CREBBP: variants seen among roughly 807,000 people sequenced by gnomAD.
The protein encoded by CREBBP is CREB binding lysine acetyltransferase.
CREBBP carries 19 observed loss-of-function variants against 265.0 expected under a neutral mutation model. The observed-to-expected ratio is 0.07, with a 90% confidence interval of 0.05 to 0.11. CREBBP has a LOEUF of 0.11. Among genes scored for constraint, CREBBP ranks in the 10% least tolerant of loss-of-function variants. The pLI, the probability that CREBBP is intolerant of heterozygous loss-of-function variation, is 1.00. For missense variants in CREBBP, 2,525 were observed against 3,219.0 expected (o/e 0.78, Z 5.22); for synonymous variants, 1,457 against 1,223.7 (o/e 1.19, Z -3.98).
At chr16:3,740,357 G>A in intron 24 of CREBBP, 42 bp downstream of exon 24, 1 of 1,611,250 alleles carries the variant, frequency 6.2e-7, no homozygotes, top group Non-Finnish European at 8.5e-7. Context: ...AAGCGGGCGT[G>A]GGGACTGCTC....
chr16:3,837,679 G>C (rs1254047457), intron 2 of CREBBP, among the ~76,000 whole-genome samples: 1 of 151,008 alleles, frequency 6.6e-6, no homozygotes, highest in Non-Finnish European at 1.5e-5. Flanking sequence ...AAAGCTTATA[G>C]AATAAGTACA....
At chr16:3,787,598 C>T (rs924336336) in intron 5 of CREBBP, among the ~76,000 whole-genome samples, 1 of 151,756 alleles carries the variant, frequency 6.6e-6, no homozygotes, top group African/African-American at 2.4e-5. Context: ...GTTCAAAGGA[C>T]GGAGATCTTG....
rs554133039 is a variant in CREBBP, at chr16:3,782,581, T to C, written c.1573+103A>G. ...AGATTTTTTATTTCAACCACCGTAG[T>C]AAAAAACACAAAACAAACTGAAAAC... On this transcript the variant is annotated intron_variant, in intron 6 of 30. Transcript: ENST00000262367. The C allele has an allele frequency of 2.0e-6, 3 of 1,475,000 alleles. No individual in the cohort carries two copies. The African/African-American group carries it at 4.2e-5, about 21-fold the overall frequency. The allele number at this position is 1,475,000 out of a possible 1,614,324, so 91.4% of individuals were successfully genotyped here. A position where few individuals can be genotyped will look rare whatever the true frequency, so the allele number is the denominator to read the frequency against.
intron 1 of CREBBP, among the ~76,000 whole-genome samples, chr16:3,851,242 C>T (rs2054828117): frequency 7.4e-6 from 1 of 134,276 alleles, no homozygotes; most frequent in Non-Finnish European, 1.5e-5. Context: ...GAGCCAAGAT[C>T]ACGCCATTGC....
intron 16 of CREBBP, among the ~76,000 whole-genome samples, chr16:3,765,653 A>G (rs2052833083): frequency 6.6e-6 from 1 of 152,120 alleles, no homozygotes; most frequent in Admixed American, 6.6e-5. Flanking sequence ...ATTTATTATT[A>G]GTATTATTTT....
intron 3 of CREBBP, among the ~76,000 whole-genome samples, chr16:3,808,612 G>A (rs2053877774): frequency 6.6e-6 from 1 of 152,242 alleles, no homozygotes; most frequent in African/African-American, 2.4e-5. Flanking sequence ...CTCTGGAGCA[G>A]CAGTGGAGGC....
chr16:3,773,092 GACAA>G (rs775330934), intron 13 of CREBBP, among the ~76,000 whole-genome samples: 24 of 151,482 alleles, frequency 1.6e-4, no homozygotes, highest in African/African-American at 2.9e-4. Context: ...TCTTAAAACA[GACAA>G]ACAAACAAAA....
intron 5 of CREBBP, among the ~76,000 whole-genome samples, chr16:3,783,607 C>T (rs2053322942): frequency 6.6e-6 from 1 of 152,216 alleles, no homozygotes; most frequent in African/African-American, 2.4e-5. Flanking sequence ...GATTGACTGA[C>T]TGAGCTGTTT....
intron 16 of CREBBP, among the ~76,000 whole-genome samples, chr16:3,762,240 T>A (rs911473949): frequency 6.6e-6 from 1 of 152,188 alleles, no homozygotes; most frequent in East Asian, 1.9e-4. Context: ...CTGCAGACCC[T>A]GTCACCGCCC....
At chr16:3,867,540 G>C (rs987757389) in intron 1 of CREBBP, among the ~76,000 whole-genome samples, 1 of 152,006 alleles carries the variant, frequency 6.6e-6, no homozygotes, top group African/African-American at 2.4e-5. Context: ...ATAACATAGA[G>C]AAAACATTAA....
chr16:3,746,419 GCT>G (rs1486406372), intron 21 of CREBBP, among the ~76,000 whole-genome samples: 4 of 152,032 alleles, frequency 2.6e-5, no homozygotes, highest in Non-Finnish European at 5.9e-5. Context: ...TGACAGCCCG[GCT>G]CTGTCTGGCT....
At position 3,731,640 on chromosome 16, in the gene CREBBP, C is replaced by A; in HGVS notation, c.4890+136G>T. The A allele has an allele frequency of 7.0e-7, 1 of 1,424,168 alleles. No homozygotes were observed. Among genetic ancestry groups the A allele is most frequent in the Non-Finnish European group, 9.9e-7 (1 of 1,015,118 alleles). The allele number at this position is 1,424,168 out of a possible 1,614,324, so 88.2% of individuals were successfully genotyped here. ...TTGGTGACACGTTGCATGATGTCAC[C>A]CAACTGGTCCACTTGGTTTCCTGGG... is the stretch of plus-strand genomic sequence containing the variant. On this transcript the variant is annotated intron_variant, in intron 29 of 30. Transcript: ENST00000262367. This position sits in a 1 kb window ranked among gnomAD's most constrained non-coding sequence, Gnocchi z 7.7.
intron 3 of CREBBP, among the ~76,000 whole-genome samples, chr16:3,803,162 T>G (rs1200145744): frequency 2.0e-5 from 3 of 151,310 alleles, no homozygotes; most frequent in Non-Finnish European, 4.4e-5. Context: ...TTATTGATTT[T>G]TTTTAAAAAA....
chr16:3,737,537 G>A (rs1372001262), intron 26 of CREBBP, among the ~76,000 whole-genome samples: 1 of 151,122 alleles, frequency 6.6e-6, no homozygotes, highest in African/African-American at 2.4e-5. Context: ...TCGACTCAGC[G>A]CATCCTCTGT....
chr16:3,827,688 G>C (rs2054264968), intron 2 of CREBBP, among the ~76,000 whole-genome samples: 1 of 152,004 alleles, frequency 6.6e-6, no homozygotes, highest in African/African-American at 2.4e-5. Flanking sequence ...ACCATGCCTG[G>C]CTACTTACTT....
chr16:3,861,998 A>G (rs2055085981), intron 1 of CREBBP, among the ~76,000 whole-genome samples: 1 of 152,114 alleles, frequency 6.6e-6, no homozygotes, highest in Admixed American at 6.5e-5. Context: ...TCTCCTCCCC[A>G]GGAGAAGGAA....
At chr16:3,876,568 C>G (rs796253036) in intron 1 of CREBBP, among the ~76,000 whole-genome samples, 3 of 152,106 alleles carry the variant, frequency 2.0e-5, no homozygotes, top group African/African-American at 7.2e-5. Context: ...CCAAAACACC[C>G]AACTAACTAT....
At chr16:3,844,759 G>C (rs759605237) in intron 2 of CREBBP, among the ~76,000 whole-genome samples, 7 of 152,146 alleles carry the variant, frequency 4.6e-5, no homozygotes, top group African/African-American at 7.2e-5. Context: ...AAAGCAGCCA[G>C]ATTACCAGAG....
At chr16:3,806,541 C>T (rs923529141) in intron 3 of CREBBP, among the ~76,000 whole-genome samples, 5 of 152,126 alleles carry the variant, frequency 3.3e-5, no homozygotes, top group South Asian at 2.1e-4. Context: ...GATGAGGCCC[C>T]TCTGGTCACT....
Sources: allele counts gnomAD v4.1 joint callset (sites outside exome capture counted in the v4.1 genomes callset), GRCh38; gene constraint gnomAD v4.1.1; non-coding constraint Gnocchi (gnomAD v3.1); transcripts MANE v1.5; gene names NCBI Gene and HGNC (gene_info 2026-07-23, HGNC 2026-07-21).